RAG2: variants seen among roughly 807,000 people sequenced by gnomAD.
The protein encoded by RAG2 is recombination activating 2, also known as V(D)J recombination-activating protein 2.
Under a neutral mutation model 31.8 loss-of-function variants are expected in RAG2, and 16 were observed. The observed-to-expected ratio is 0.50, with a 90% CI of 0.34 to 0.76. The LOEUF (loss-of-function observed/expected upper bound fraction) is 0.76, where lower values mean the gene tolerates loss of function less well. Ranked by LOEUF, RAG2 falls within the 30% of genes least tolerant of loss-of-function variation. The pLI, the probability that RAG2 is intolerant of heterozygous loss-of-function variation, is 0.01. For synonymous variants in RAG2, 199 were observed against 215.9 expected, an observed-to-expected ratio of 0.92 and a Z score of 0.68; for missense variants, 622 against 628.5, an observed-to-expected ratio of 0.99 and a Z score of 0.11.
chr11:36,592,816 C>T lies in RAG2; in HGVS notation c.1353G>A (p.Gly451=). The change falls in exon 2 of 2, where the codon GGG becomes GGA. Residue 451 remains glycine, a synonymous_variant. Coordinates refer to ENST00000311485, the MANE Select transcript of RAG2 (RefSeq NM_000536.4). The stretch of plus-strand genomic sequence containing the variant: ...CCATGCACTGAGCATGGACCCAGTG[C>T]CCATCCCCATGAGAGCAGTAGATCA... ...PAMIYCSHGD[G]HWVHAQCMDL... 6.2e-7 allele frequency: 1 copy of T among 1,614,114 alleles called. No individual in the cohort carries two copies. The highest frequency in any genetic ancestry group is 8.5e-7 in the Non-Finnish European group (1 of 1,180,034).
chr11:36,591,269 CA>C (rs1178682971), downstream of RAG2, among the ~76,000 whole-genome samples: 2 of 152,062 alleles, frequency 1.3e-5, no homozygotes, highest in Admixed American at 1.3e-4. Flanking sequence ...ACTTGTACTC[CA>C]GCGTTTCATC....
chr11:36,592,844 G>A lies in RAG2; in HGVS notation c.1325C>T (p.Ala442Val). ...ATCCCCATGAGAGCAGTAGATCATG[G>A]CGGGTTTGTTGAGCTCAGTTGAATA... The part of the protein sequence containing the change: ...PFYSTELNKP[A>V]MIYCSHGDGH... Residue 442 changes from alanine to valine, a missense_variant, in exon 2 of 2, where the codon GCC becomes GTC. Coordinates refer to ENST00000311485, the MANE Select transcript of RAG2 (RefSeq NM_000536.4). 1 of 1,614,126 alleles carries A rather than the reference G, an allele frequency of 6.2e-7. No homozygotes were observed. Among genetic ancestry groups the A allele is most frequent in the Non-Finnish European group, 8.5e-7 (1 of 1,180,026 alleles).
chr11:36,597,106 T>A (rs1436958393), intron 1 of RAG2, among the ~76,000 whole-genome samples: 1 of 152,238 alleles, frequency 6.6e-6, no homozygotes, highest in Non-Finnish European at 1.5e-5. Context: ...AATTAATTTT[T>A]AGATTACTCA....
chr11:36,594,726 G>A (rs925815482), intron 1 of RAG2: 2 of 158,066 alleles, frequency 1.3e-5, no homozygotes, highest in African/African-American at 4.8e-5. Flanking sequence ...CGCTACCCTG[G>A]TATTGCTGGA....
In RAG2 at chr11:36,593,856, C is replaced by A. The variant is rs754677523; in HGVS notation, c.313G>T (p.Asp105Tyr). Residue 105 changes from aspartate (D) to tyrosine (Y), a missense_variant, in exon 2 of 2, where the codon GAT becomes TAT. Physicochemically the swap from Asp to Tyr is radical, Grantham distance 160. Transcript: ENST00000311485. ...GGKTPNNEVS[D>Y]KIYVMSIVCK... ...ACAATAGACATGACATAAATCTTAT[C>A]TGAAACCTCATTGTTTGGTGTTTTC... The A allele has an allele frequency of 3.1e-6, 5 of 1,614,226 alleles. No homozygotes were observed. The highest frequency in any genetic ancestry group is 4.2e-6 in the Non-Finnish European group (5 of 1,180,036).
At chr11:36,594,267 G>T in intron 1 of RAG2, 72 bp from the exon 2 acceptor site, 1 of 1,010,910 alleles carries the variant, frequency 9.9e-7, no homozygotes, top group Non-Finnish European at 1.5e-6. Context: ...TCCTTCACAT[G>T]TGAATAGCAT....
chr11:36,597,500 AC>A (rs1851317582), intron 1 of RAG2: 1 of 152,122 alleles, frequency 6.6e-6, no homozygotes, highest in Non-Finnish European at 1.5e-5. Context: ...AATTTTCCCA[AC>A]CCCATGCTAA....
At position 36,592,017 on chromosome 11, in the gene RAG2, A is replaced by G. The variant is rs1215831330; in HGVS notation, c.*568T>C. On this transcript the variant is annotated 3_prime_UTR_variant, in exon 2 of 2. Transcript: ENST00000311485. ...TATCTATATGTATACATATATTTATATTTATATCTACATCTGTAAAGCTAT... is the reference window on the plus strand; with the variant it reads ...TATCTATATGTATACATATATTTATGTTTATATCTACATCTGTAAAGCTAT... 6.4e-6 allele frequency: 1 copy of G among 155,424 alleles called. No homozygotes were observed. Among genetic ancestry groups the G allele is most frequent in the African/African-American group, 2.4e-5 (1 of 41,444 alleles). The allele number at this position is 155,424 out of a possible 1,614,324, so 9.6% of individuals were successfully genotyped here. A position where few individuals can be genotyped will look rare whatever the true frequency, so the allele number is the denominator to read the frequency against.
At chr11:36,594,352 A>G (rs919290967) in intron 1 of RAG2, 157 bp from the exon 2 acceptor site, 46 of 626,994 alleles carry the variant, frequency 7.3e-5, no homozygotes, top group Non-Finnish European at 1.1e-4. Context: ...GTAAAGAGCC[A>G]CAGAACCTTT....
downstream of RAG2, among the ~76,000 whole-genome samples, chr11:36,591,490 A>AAAATT: frequency 6.6e-6 from 1 of 151,998 alleles, no homozygotes; most frequent in Admixed American, 6.6e-5. Flanking sequence ...TTGAACCCTT[A>AAAATT]AAATTAACAG....
intron 1 of RAG2, among the ~76,000 whole-genome samples, chr11:36,596,511 A>C (rs1281225013): frequency 3.9e-5 from 6 of 152,208 alleles, no homozygotes; most frequent in Non-Finnish European, 8.8e-5. Context: ...ACCCAAGCCT[A>C]CATGAGGGAA....
In RAG2 at chr11:36,593,012, A is replaced by C. The variant is rs755086501; in HGVS notation, c.1157T>G (p.Phe386Cys). 1 of 1,614,174 alleles carries C rather than the reference A, an allele frequency of 6.2e-7. No homozygotes were observed. Among genetic ancestry groups the C allele is most frequent in the South Asian group, 1.1e-5 (1 of 91,076 alleles). Residue 386 changes from phenylalanine to cysteine, a missense_variant, in exon 2 of 2, where the codon TTC (phenylalanine) becomes TGC (cysteine). Transcript: ENST00000311485. Reference sequence around the variant, plus strand: ...ATCAAAACTATTTGCTTCTGCACTGAAACAAAATTCTTCAGAGTCTTCAAA... The same window carrying C: ...ATCAAAACTATTTGCTTCTGCACTGCAACAAAATTCTTCAGAGTCTTCAAA... ...TPFEDSEEFCFSAEANSFDGD... is the reference protein window; with the variant it reads ...TPFEDSEEFCCSAEANSFDGD...
In RAG2 at chr11:36,592,474, G is replaced by C. The variant is rs1851036394; in HGVS notation, c.*111C>G. 6 of 1,372,138 alleles carry C rather than the reference G, an allele frequency of 4.4e-6. No individual in the cohort carries two copies. The highest frequency in any genetic ancestry group is 5.9e-6 in the Non-Finnish European group (6 of 1,015,754). 85.0% of individuals were successfully genotyped at this position (1,372,138 alleles called of 1,614,324 possible). The stretch of plus-strand genomic sequence containing the variant: ...TGGCCCTTAATTCATGTAACTAAAA[G>C]AAAACATAGGCATTTTAAATAAACA... On this transcript the variant is annotated 3_prime_UTR_variant, in exon 2 of 2. Transcript: ENST00000311485.
chr11:36,593,991 T>C lies in RAG2; in HGVS notation c.178A>G (p.Thr60Ala), dbSNP rs752522715. ...TAGCAGGAATCCTTAGAGAAAATTG[T>C]AGGCTTCAGTTTGACATGGTTATGC... Reference protein sequence around the residue: ...VKHNHVKLKPTIFSKDSCYLP... With the variant: ...VKHNHVKLKPAIFSKDSCYLP... The change falls in exon 2 of 2, where the codon ACA becomes GCA. Residue 60 changes from threonine to alanine, a missense_variant. Physicochemically the swap from Thr to Ala is moderately conservative, Grantham distance 58 (BLOSUM62 0). Transcript: ENST00000311485. 19 of 1,614,054 alleles carry C rather than the reference T, an allele frequency of 1.2e-5. No homozygotes were observed. Among genetic ancestry groups the C allele is most frequent in the African/African-American group, 2.7e-5 (2 of 74,936 alleles).
In RAG2 at chr11:36,592,826, T is replaced by G; in HGVS notation, c.1343A>C (p.His448Pro). The G allele has an allele frequency of 6.2e-7, 1 of 1,614,130 alleles. No homozygotes were observed. The highest frequency in any genetic ancestry group is 8.5e-7 in the Non-Finnish European group (1 of 1,180,028). The change falls in exon 2 of 2, where the codon CAT (histidine) becomes CCT (proline). Residue 448 changes from histidine to proline, a missense_variant. Transcript: ENST00000311485. ...LNKPAMIYCS[H>P]GDGHWVHAQC... ...AGCATGGACCCAGTGCCCATCCCCA[T>G]GAGAGCAGTAGATCATGGCGGGTTT...
intron 1 of RAG2, 147 bp from the exon 2 acceptor site, chr11:36,594,342 G>A (rs1479922870): frequency 7.8e-6 from 5 of 640,232 alleles, no homozygotes; most frequent in Non-Finnish European, 1.1e-5. Flanking sequence ...AGTTAGGTCA[G>A]TAAAGAGCCA....
Position 36,596,019 on chromosome 11 carries a change from T to C in RAG2, c.-27-1824A>G, listed in dbSNP as rs1293586103. On this transcript the variant is annotated intron_variant, in intron 1 of 1. Coordinates refer to ENST00000311485, the MANE Select transcript of RAG2 (RefSeq NM_000536.4). ...ACCCTTTGTCTAACTGGGGATAATC[T>C]TGGTATATATTCACTGGGCTGTTTT... Among the ~76,000 whole-genome samples, 13 of 152,318 alleles carry C rather than the reference T, an allele frequency of 8.5e-5. No homozygotes were observed. In the East Asian group the frequency reaches 2.5e-3, roughly 29 times the overall value.
intron 1 of RAG2, among the ~76,000 whole-genome samples, chr11:36,596,211 G>GTTTTTTT (rs1243664769): frequency 4.0e-4 from 40 of 101,122 alleles, no homozygotes; most frequent in African/African-American, 6.2e-4. Context: ...AGATGGTAGT[G>GTTTTTTT]TTTTTTTTTT....
Sources: gnomAD v4.1 joint callset for allele counts (sites outside exome capture counted in the v4.1 genomes callset) on GRCh38, gnomAD v4.1.1 for gene constraint, MANE v1.5 for transcripts, NCBI Gene and HGNC (gene_info 2026-07-23, HGNC 2026-07-21) for gene names.